Variants in CDH7 observed in about 807,000 individuals in gnomAD.
The protein encoded by CDH7 is cadherin-7.
CDH7 carries 25 observed loss-of-function variants against 71.8 expected under a neutral mutation model. That is an observed-to-expected ratio of 0.35 (90% CI 0.25 to 0.49). The LOEUF is 0.49. Among genes scored for constraint, CDH7 ranks in the 20% least tolerant of loss-of-function variants. CDH7 has a pLI of 0.99. For missense variants in CDH7, 862 were observed against 974.6 expected (o/e 0.88, Z 1.54); for synonymous variants, 381 against 363.8 (o/e 1.05, Z -0.54).
chr18:65,864,051 G>T (rs1225217232), intron 11 of CDH7: 1 of 152,068 alleles, frequency 6.6e-6, no homozygotes, highest in Admixed American at 6.5e-5. Context: ...TGAAAATGGA[G>T]GTTATTGTCT....
At chr18:65,842,434 G>A (rs1912767178) in intron 6 of CDH7, among the ~76,000 whole-genome samples, 1 of 151,448 alleles carries the variant, frequency 6.6e-6, no homozygotes, top group Admixed American at 6.6e-5. Context: ...GATAAGCTGT[G>A]GGATCTCTTT....
chr18:65,823,398 T>C (rs1021725606), intron 5 of CDH7, among the ~76,000 whole-genome samples: 2 of 151,934 alleles, frequency 1.3e-5, no homozygotes, highest in African/African-American at 4.8e-5. Flanking sequence ...GCTTTCCTTT[T>C]GTTTAAGCCT....
At chr18:65,836,201 C>G (rs1912527008) in intron 6 of CDH7, among the ~76,000 whole-genome samples, 2 of 152,078 alleles carry the variant, frequency 1.3e-5, no homozygotes, top group Non-Finnish European at 2.9e-5. Flanking sequence ...TTTTTTAAGC[C>G]ACTAAGATTT....
intron 11 of CDH7, among the ~76,000 whole-genome samples, chr18:65,868,909 G>A (rs555221614): frequency 6.6e-6 from 1 of 152,258 alleles, no homozygotes; most frequent in South Asian, 2.1e-4. Flanking sequence ...TTGAGACTTG[G>A]AAAGAATTAG....
At chr18:65,876,667 A>G (rs1914082563) in intron 11 of CDH7, among the ~76,000 whole-genome samples, 1 of 152,118 alleles carries the variant, frequency 6.6e-6, no homozygotes, top group Admixed American at 6.6e-5. Context: ...TTATAAGATC[A>G]TGTGTCCCTC....
At chr18:65,867,356 A>C (rs1913796692) in intron 11 of CDH7, among the ~76,000 whole-genome samples, 1 of 152,124 alleles carries the variant, frequency 6.6e-6, no homozygotes. Context: ...TTTTGAATAG[A>C]AATTACAACC....
chr18:65,772,183 C>T (rs1916563700), intron 2 of CDH7, among the ~76,000 whole-genome samples: 1 of 152,128 alleles, frequency 6.6e-6, no homozygotes, highest in Admixed American at 6.6e-5. Flanking sequence ...TTGTGATGAT[C>T]ACCAGTGAAA....
At chr18:65,812,789 T>C (rs1911590508) in intron 3 of CDH7, among the ~76,000 whole-genome samples, 1 of 152,258 alleles carries the variant, frequency 6.6e-6, no homozygotes, top group African/African-American at 2.4e-5. Context: ...TACTGAAGTT[T>C]AGTTTTTATT....
At chr18:65,838,782 T>C (rs1335282378) in intron 6 of CDH7, among the ~76,000 whole-genome samples, 2 of 152,182 alleles carry the variant, frequency 1.3e-5, no homozygotes, top group South Asian at 2.1e-4. Flanking sequence ...GCAAGGGAAA[T>C]TTTGAGACTC....
chr18:65,828,198 C>T (rs908144849), intron 6 of CDH7, among the ~76,000 whole-genome samples: 1 of 152,004 alleles, frequency 6.6e-6, no homozygotes, highest in Non-Finnish European at 1.5e-5. Flanking sequence ...CCTACTTTCT[C>T]ATCCGTATTG....
At chr18:65,781,323 G>A (rs1422278907) in intron 2 of CDH7, among the ~76,000 whole-genome samples, 1 of 151,948 alleles carries the variant, frequency 6.6e-6, no homozygotes, top group African/African-American at 2.4e-5. Context: ...ACCACATTTG[G>A]CAGGCAGTAA....
chr18:65,857,983 A>G (rs759620707), intron 8 of CDH7, 31 bp downstream of exon 8: 2 of 1,606,286 alleles, frequency 1.2e-6, no homozygotes, highest in South Asian at 1.1e-5. Flanking sequence ...CTAAATTAAG[A>G]TGGAGGACAG....
At chr18:65,768,148 A>C (rs1403881785) in intron 2 of CDH7, among the ~76,000 whole-genome samples, 1 of 151,792 alleles carries the variant, frequency 6.6e-6, no homozygotes, top group Non-Finnish European at 1.5e-5. Flanking sequence ...GTTTGTGTTT[A>C]TGTGCAATCT....
At chr18:65,874,402 T>G (rs915826819) in intron 11 of CDH7, among the ~76,000 whole-genome samples, 1 of 152,130 alleles carries the variant, frequency 6.6e-6, no homozygotes, top group Non-Finnish European at 1.5e-5. Flanking sequence ...TACTTTCTCT[T>G]TAATATAAGT....
chr18:65,781,750 A>ATT (rs1555682047), intron 2 of CDH7, among the ~76,000 whole-genome samples: 1 of 78,492 alleles, frequency 1.3e-5, no homozygotes, highest in Non-Finnish European at 2.5e-5. Flanking sequence ...CTATTGGTTG[A>ATT]TTTCTTTCTT....
intron 11 of CDH7, among the ~76,000 whole-genome samples, chr18:65,867,740 T>C (rs1913807868): frequency 6.6e-6 from 1 of 152,216 alleles, no homozygotes; most frequent in Admixed American, 6.5e-5. Flanking sequence ...GCCCAGTAAT[T>C]GAAGTCTTCT....
intron 11 of CDH7, among the ~76,000 whole-genome samples, chr18:65,878,168 TC>T (rs1308573123): frequency 6.6e-6 from 1 of 152,186 alleles, no homozygotes; most frequent in Admixed American, 6.5e-5. Context: ...ATACCACCTT[TC>T]CTATTTCCCA....
intron 6 of CDH7, among the ~76,000 whole-genome samples, chr18:65,834,018 T>C (rs1223452790): frequency 1.3e-5 from 2 of 152,172 alleles, no homozygotes; most frequent in Non-Finnish European, 2.9e-5. Flanking sequence ...TCACAGATCA[T>C]GTAAAATTGT....
Position 65,809,814 on chromosome 18 carries a change from C to A in CDH7, c.321C>A (p.Thr107=), listed in dbSNP as rs1187899786. The A allele has an allele frequency of 1.2e-6, 2 of 1,613,980 alleles. No individual in the cohort carries two copies. Among genetic ancestry groups the A allele is most frequent in the Non-Finnish European group, 1.7e-6 (2 of 1,179,972 alleles). ...IDENTGDIHA[T]KRLDREEQAY... is the part of the protein sequence containing the mutation. Reference sequence around the variant, plus strand: ...AGAACACTGGGGATATTCATGCCACCAAGAGACTGGATCGTGAGGAGCAGG... The same window carrying A: ...AGAACACTGGGGATATTCATGCCACAAAGAGACTGGATCGTGAGGAGCAGG... The change falls in exon 3 of 12, where the codon ACC becomes ACA. Residue 107 remains threonine (T), a synonymous_variant. Transcript: ENST00000397968.
Sources: allele counts gnomAD v4.1 joint callset (sites outside exome capture counted in the v4.1 genomes callset), GRCh38; gene constraint gnomAD v4.1.1; transcripts MANE v1.5; gene names NCBI Gene and HGNC (gene_info 2026-07-23, HGNC 2026-07-21).